TAOK3: variants seen among roughly 807,000 people sequenced by gnomAD.
TAOK3 encodes TAO kinase 3.
A neutral mutation model predicts 120.4 loss-of-function variants in TAOK3; 40 were observed. That is an observed-to-expected ratio of 0.33 (90% CI 0.26 to 0.43). TAOK3 has a LOEUF of 0.43. Among genes scored for constraint, TAOK3 ranks in the 20% least tolerant of loss-of-function variants. The probability of loss-of-function intolerance (pLI) is 1.00; values close to 1 mark genes in which losing one functional copy is unlikely to be tolerated. For missense variants in TAOK3, 821 were observed against 1,112.1 expected (o/e 0.74, Z 3.72); for synonymous variants, 355 against 387.5 (o/e 0.92, Z 0.99).
At chr12:118,276,013 G>A (rs1437284376) in intron 1 of TAOK3, among the ~76,000 whole-genome samples, 2 of 152,176 alleles carry the variant, frequency 1.3e-5, no homozygotes, top group African/African-American at 4.8e-5. Context: ...GGATGTAGTA[G>A]GAGAAGAGAT....
intron 1 of TAOK3, among the ~76,000 whole-genome samples, chr12:118,272,157 G>A (rs2041725950): frequency 6.6e-6 from 1 of 152,042 alleles, no homozygotes; most frequent in Admixed American, 6.6e-5. Context: ...AAGAACACTG[G>A]TGGCGCATGC....
chr12:118,309,901 T>C (rs1038996561), intron 1 of TAOK3, among the ~76,000 whole-genome samples: 1 of 151,872 alleles, frequency 6.6e-6, no homozygotes. Flanking sequence ...AAAACCTGAG[T>C]TTTCCTGTTT....
chr12:118,216,121 C>T lies in TAOK3; in HGVS notation c.644-2011G>A, dbSNP rs970190825. 8.5e-5 allele frequency among the ~76,000 whole-genome samples: 13 copies of T among 152,168 alleles called. No homozygotes were observed. The South Asian group carries it at 1.0e-3, about 12-fold the overall frequency. ...GTTGAGGCAGAAGAATCACTTGAACCCAGGAGGTGGAGGTTTCAGTGGGCT... is the reference window on the plus strand; with the variant it reads ...GTTGAGGCAGAAGAATCACTTGAACTCAGGAGGTGGAGGTTTCAGTGGGCT... On this transcript the variant is annotated intron_variant, in intron 9 of 20. Transcript: ENST00000392533.
At chr12:118,350,583 G>T (rs112289581) in intron 1 of TAOK3, among the ~76,000 whole-genome samples, 2,248 of 152,226 alleles carry the variant, frequency 0.015, 42 homozygotes, top group African/African-American at 0.05. Flanking sequence ...TTGAGGCCAG[G>T]CATGGTGACT....
intron 1 of TAOK3, among the ~76,000 whole-genome samples, chr12:118,312,829 C>G (rs1345212225): frequency 6.6e-6 from 1 of 152,118 alleles, no homozygotes; most frequent in Admixed American, 6.5e-5. Context: ...TAACTAGAGG[C>G]CTGTAGTATC....
rs1424137050 is a variant in TAOK3, at chr12:118,233,758, G to A, written c.559C>T (p.Pro187Ser). ...SFVGTPYWMAPEVILAMDEGQ... is the reference protein window; with the variant it reads ...SFVGTPYWMASEVILAMDEGQ... ...TCATCCATAGCTAAGATCACCTCTGGAGCCATCCTACCAAACATAAGGTAC... is the reference window on the plus strand; with the variant it reads ...TCATCCATAGCTAAGATCACCTCTGAAGCCATCCTACCAAACATAAGGTAC... Residue 187 changes from proline to serine, a missense_variant, in exon 9 of 21, where the codon CCA (proline) becomes TCA (serine). Physicochemically the swap from Pro to Ser is moderately conservative, Grantham distance 74. Around this residue, in one of 2 missense-constraint regions of TAOK3, gnomAD observed 467 missense variants for 540.0 expected, o/e 0.86. Coordinates refer to ENST00000392533, the MANE Select transcript of TAOK3 (RefSeq NM_016281.4). 6.2e-7 allele frequency: 1 copy of A among 1,600,974 alleles called. No individual in the cohort carries two copies. Among genetic ancestry groups the A allele is most frequent in the Non-Finnish European group, 8.5e-7 (1 of 1,175,490 alleles).
Position 118,160,430 on chromosome 12 carries a change from T to G in TAOK3, c.2140-72A>C. The G allele has an allele frequency of 7.8e-7, 1 of 1,285,674 alleles. No individual in the cohort carries two copies. The highest frequency in any genetic ancestry group is 1.3e-5 in the South Asian group (1 of 79,168). The allele number at this position is 1,285,674 out of a possible 1,614,324, so 79.6% of individuals were successfully genotyped here. A position where few individuals can be genotyped will look rare whatever the true frequency, so the allele number is the denominator to read the frequency against. ...TACAGAAAGCCTTCTACCATAATGA[T>G]ATAATACAAGTGCTGAGAGCGTCTG... On this transcript the variant is annotated intron_variant, in intron 18 of 20. Transcript: ENST00000392533. The surrounding 1 kb of genome is among the most constrained non-coding windows in gnomAD (Gnocchi z 4.2).
At chr12:118,179,389 A>G (rs1015413652) in intron 15 of TAOK3, among the ~76,000 whole-genome samples, 6 of 152,166 alleles carry the variant, frequency 3.9e-5, no homozygotes, top group Non-Finnish European at 7.4e-5. Context: ...GATCTGCTTA[A>G]TTTTGTTTTC....
intron 2 of TAOK3, among the ~76,000 whole-genome samples, chr12:118,261,861 C>T (rs2041242970): frequency 6.7e-6 from 1 of 148,646 alleles, no homozygotes; most frequent in South Asian, 2.1e-4. Context: ...GATTACACTT[C>T]TTTTTTTTTT....
At chr12:118,356,013 C>G (rs1224633021) in intron 1 of TAOK3, among the ~76,000 whole-genome samples, 3 of 152,126 alleles carry the variant, frequency 2.0e-5, no homozygotes, top group African/African-American at 7.2e-5. Flanking sequence ...GTGACAGAAA[C>G]TGAAAGTAAG....
intron 13 of TAOK3, among the ~76,000 whole-genome samples, chr12:118,193,388 T>C (rs920051482): frequency 2.0e-5 from 3 of 152,162 alleles, no homozygotes; most frequent in Non-Finnish European, 4.4e-5. Flanking sequence ...TTTCTTCAGA[T>C]TAAAAAGGAA....
At chr12:118,351,304 T>A (rs138109357) in intron 1 of TAOK3, among the ~76,000 whole-genome samples, 2 of 152,340 alleles carry the variant, frequency 1.3e-5, no homozygotes, top group East Asian at 3.9e-4. Flanking sequence ...TAGCATCACA[T>A]GGGTCTCTGT....
At chr12:118,179,338 G>A (rs996213704) in intron 15 of TAOK3, among the ~76,000 whole-genome samples, 1 of 152,172 alleles carries the variant, frequency 6.6e-6, no homozygotes, top group African/African-American at 2.4e-5. Context: ...CATGGGGGTG[G>A]CAGGAAAGGT....
chr12:118,150,400 AATAAT>A lies in TAOK3; in HGVS notation c.*592_*596del, dbSNP rs1192816982. On this transcript the variant is annotated 3_prime_UTR_variant, in exon 21 of 21. Transcript: ENST00000392533. ...ACCCACCCCCCGTCCCCAAAAAAGT[AATAAT>A]ATGTCACCACTGATATGTACATCAC... The A allele has an allele frequency of 6.7e-6, 1 of 150,108 alleles. No homozygotes were observed. The highest frequency in any genetic ancestry group is 2.4e-5 in the African/African-American group (1 of 40,836). The allele number at this position is 150,108 out of a possible 1,614,324, so 9.3% of individuals were successfully genotyped here. A position where few individuals can be genotyped will look rare whatever the true frequency, so the allele number is the denominator to read the frequency against.
chr12:118,178,077 G>A (rs553406729), intron 15 of TAOK3, among the ~76,000 whole-genome samples: 1 of 152,212 alleles, frequency 6.6e-6, no homozygotes, highest in East Asian at 2.0e-4. Flanking sequence ...CTCCTGAGCT[G>A]CTGGGACCAC....
intron 9 of TAOK3, among the ~76,000 whole-genome samples, chr12:118,228,441 T>C (rs1043777011): frequency 6.6e-6 from 1 of 152,120 alleles, no homozygotes; most frequent in African/African-American, 2.4e-5. Context: ...CGTGAGCCAC[T>C]GCGCCTGGCC....
chr12:118,320,288 T>C (rs2043648215), intron 1 of TAOK3, among the ~76,000 whole-genome samples: 2 of 152,134 alleles, frequency 1.3e-5, no homozygotes, highest in Admixed American at 6.6e-5. Context: ...AATTATTTCC[T>C]TATGACAAGT....
chr12:118,248,617 TA>T (rs2040619866), intron 3 of TAOK3, among the ~76,000 whole-genome samples: 1 of 152,086 alleles, frequency 6.6e-6, no homozygotes. Context: ...TGTGAGGTTT[TA>T]AAAAATAATT....
intron 1 of TAOK3, among the ~76,000 whole-genome samples, chr12:118,353,485 T>G (rs2045262107): frequency 6.6e-6 from 1 of 151,560 alleles, no homozygotes; most frequent in Non-Finnish European, 1.5e-5. Context: ...AGAAAGGGTG[T>G]CGAAAGTCAA....
Sources: gnomAD v4.1 joint callset for allele counts (sites outside exome capture counted in the v4.1 genomes callset) on GRCh38, gnomAD v4.1.1 for gene constraint, gnomAD v4.1.1 regional missense constraint, Gnocchi (gnomAD v3.1) non-coding constraint, MANE v1.5 for transcripts, NCBI Gene and HGNC (gene_info 2026-07-23, HGNC 2026-07-21) for gene names.